Variants in CYP2J2 observed in about 807,000 individuals in gnomAD.
The protein encoded by CYP2J2 is cytochrome P450 family 2 subfamily J member 2, also known as cytochrome P450 2J2.
Under a neutral mutation model 48.8 loss-of-function variants are expected in CYP2J2, and 41 were observed. That is an observed-to-expected ratio of 0.84 (90% CI 0.66 to 1.09). The LOEUF (loss-of-function observed/expected upper bound fraction) is 1.09, where lower values mean the gene tolerates loss of function less well. Ranked by LOEUF, CYP2J2 falls within the 50% of genes least tolerant of loss-of-function variation. CYP2J2 has a pLI of 0.00. For missense variants in CYP2J2, 644 were observed against 617.3 expected, an observed-to-expected ratio of 1.04 and a Z score of -0.46; for synonymous variants, 221 against 227.1, an observed-to-expected ratio of 0.97 and a Z score of 0.24.
At chr1:59,920,493 T>C (rs1201072979) in intron 1 of CYP2J2, among the ~76,000 whole-genome samples, 1 of 152,054 alleles carries the variant, frequency 6.6e-6, no homozygotes, top group Non-Finnish European at 1.5e-5. Context: ...AATAAAATAT[T>C]TGATGGGAGG....
In CYP2J2 at chr1:59,900,978, C is replaced by T. The variant is rs1223882929; in HGVS notation, c.1317G>A (p.Met439Ile). The change falls in exon 8 of 9, where the codon ATG becomes ATA. Residue 439 changes from methionine to isoleucine, a missense_variant. Physicochemically the swap from Met to Ile is conservative, Grantham distance 10. Transcript: ENST00000371204. The part of the protein sequence containing the change: ...NGQFKKREAF[M>I]PFSIGKRACL... ...ACTACAACTTACCTATTGAGAAAGG[C>T]ATAAAGGCTTCCCTTTTCTTAAACT... is the stretch of plus-strand genomic sequence containing the variant. 2 of 1,614,078 alleles carry T rather than the reference C, an allele frequency of 1.2e-6. No homozygotes were observed. The highest frequency in any genetic ancestry group is 3.3e-5 in the Admixed American group (2 of 60,018).
chr1:59,914,787 G>A (rs900382980), intron 2 of CYP2J2, among the ~76,000 whole-genome samples: 19 of 152,202 alleles, frequency 1.2e-4, no homozygotes, highest in South Asian at 2.1e-4. Context: ...CCTGACACCC[G>A]TGAAGGGTCT....
Position 59,901,013 on chromosome 1 carries a change from C to T in CYP2J2, c.1282G>A (p.Glu428Lys). The change falls in exon 8 of 9, where the codon GAG (glutamate) becomes AAG (lysine). Residue 428 changes from glutamate (E) to lysine (K), a missense_variant. Coordinates refer to ENST00000371204, the MANE Select transcript of CYP2J2 (RefSeq NM_000775.4). ...PDTFNPDHFL[E>K]NGQFKKREAF... is the part of the protein sequence containing the mutation. ...TCCCTTTTCTTAAACTGTCCATTCT[C>T]CAGAAAATGGTCCGGATTGAATGTG... is the stretch of plus-strand genomic sequence containing the variant. 3.1e-6 allele frequency: 5 copies of T among 1,614,186 alleles called. No homozygotes were observed. The highest frequency in any genetic ancestry group is 3.4e-6 in the Non-Finnish European group (4 of 1,180,018).
In CYP2J2 at chr1:59,893,516, T is replaced by C. The variant is rs1461007750; in HGVS notation, c.*135A>G. 8 of 627,044 alleles carry C rather than the reference T, an allele frequency of 1.3e-5. No individual in the cohort carries two copies. In the South Asian group the frequency reaches 2.6e-4, roughly 20 times the overall value. The allele number at this position is 627,044 out of a possible 1,614,324, so 38.8% of individuals were successfully genotyped here. A position where few individuals can be genotyped will look rare whatever the true frequency, so the allele number is the denominator to read the frequency against. Reference sequence around the variant, plus strand: ...TAGAGCTGGGATTTGGATCTAGTTTTCTCTGAGTCAAATTCCTCTGATCTT... The same window carrying C: ...TAGAGCTGGGATTTGGATCTAGTTTCCTCTGAGTCAAATTCCTCTGATCTT... On this transcript the variant is annotated 3_prime_UTR_variant, in exon 9 of 9. Transcript: ENST00000371204.
intron 4 of CYP2J2, 54 bp downstream of exon 4, chr1:59,911,554 G>A (rs1433047998): frequency 7.6e-7 from 1 of 1,310,906 alleles, no homozygotes; most frequent in Admixed American, 2.6e-5. Context: ...CCCATCTGTG[G>A]CTGACATCGG....
At chr1:59,928,494 A>C (rs1644587185), upstream of CYP2J2, among the ~76,000 whole-genome samples, 1 of 152,214 alleles carries the variant, frequency 6.6e-6, no homozygotes, top group South Asian at 2.1e-4. Flanking sequence ...AGTTAAATCC[A>C]AGAACACTTT....
upstream of CYP2J2, among the ~76,000 whole-genome samples, chr1:59,930,333 T>G (rs1459628943): frequency 2.0e-5 from 3 of 152,096 alleles, no homozygotes; most frequent in African/African-American, 7.2e-5. Context: ...ACCATGCTGT[T>G]TTTCATAGTG....
At chr1:59,966,864 G>T in the CYP2J2 span, among the ~76,000 whole-genome samples, 1 of 152,114 alleles carries the variant, frequency 6.6e-6, no homozygotes, top group Non-Finnish European at 1.5e-5. Flanking sequence ...ACATTTGACT[G>T]AATTTGTTAC....
At chr1:59,941,765 AT>A in the CYP2J2 span, among the ~76,000 whole-genome samples, 5 of 147,340 alleles carry the variant, frequency 3.4e-5, no homozygotes, top group Non-Finnish European at 6.0e-5. Context: ...TTTAAAAAAA[AT>A]AAAAAATAGA....
At chr1:59,919,375 G>A (rs1574260038) in intron 1 of CYP2J2, among the ~76,000 whole-genome samples, 1 of 152,204 alleles carries the variant, frequency 6.6e-6, no homozygotes, top group East Asian at 1.9e-4. Context: ...TACAAATCTG[G>A]AAAGATATCC....
At position 59,893,618 on chromosome 1, in the gene CYP2J2, T is replaced by C; in HGVS notation, c.*33A>G. On this transcript the variant is annotated 3_prime_UTR_variant, in exon 9 of 9. Transcript: ENST00000371204. ...GTTTCAGAACACGTGCCATGTCTTCTTACTTTCCTTGCCCCTTTCTTTCTT... is the reference window on the plus strand; with the variant it reads ...GTTTCAGAACACGTGCCATGTCTTCCTACTTTCCTTGCCCCTTTCTTTCTT... The C allele has an allele frequency of 6.5e-7, 1 of 1,527,452 alleles. No individual in the cohort carries two copies. Among genetic ancestry groups the C allele is most frequent in the Non-Finnish European group, 8.9e-7 (1 of 1,126,836 alleles). 94.6% of individuals were successfully genotyped at this position (1,527,452 alleles called of 1,614,324 possible).
the CYP2J2 span, among the ~76,000 whole-genome samples, chr1:59,956,064 A>G: frequency 1.3e-5 from 2 of 152,172 alleles, no homozygotes; most frequent in Non-Finnish European, 2.9e-5. Flanking sequence ...TTACATGCGT[A>G]TGCCTACCTA....
At position 59,904,869 on chromosome 1, in the gene CYP2J2, A is replaced by G. The variant is rs1468821165; in HGVS notation, c.1191+2T>C. ...GATGGGCTTGAAGATCTGCTTAATT[A>G]CCTTGGGCAGGTGGTACCCAGCCAA... On this transcript the variant is annotated splice_donor_variant, in intron 7 of 8. Transcript: ENST00000371204. LOFTEE classifies it high-confidence loss of function. 2 of 1,612,438 alleles carry G rather than the reference A, an allele frequency of 1.2e-6. No individual in the cohort carries two copies. The highest frequency in any genetic ancestry group is 1.7e-6 in the Non-Finnish European group (2 of 1,179,468).
At chr1:59,911,521 C>A in intron 4 of CYP2J2, 87 bp downstream of exon 4, 1 of 992,004 alleles carries the variant, frequency 1.0e-6, no homozygotes, top group African/African-American at 1.6e-5. Context: ...CTTCAAAAAC[C>A]CAAAAAAAAC....
chr1:59,955,110 C>T, the CYP2J2 span, among the ~76,000 whole-genome samples: 4 of 150,464 alleles, frequency 2.7e-5, no homozygotes, highest in Admixed American at 2.7e-4. Flanking sequence ...TGCATTTCAG[C>T]CTGGTGATAG....
the CYP2J2 span, among the ~76,000 whole-genome samples, chr1:59,959,709 C>T: frequency 1.3e-5 from 2 of 151,968 alleles, no homozygotes; most frequent in Admixed American, 1.3e-4. Context: ...TGGACTACTA[C>T]TCAACCATAA....
chr1:59,967,437 T>C, the CYP2J2 span, among the ~76,000 whole-genome samples: 2 of 152,250 alleles, frequency 1.3e-5, no homozygotes, highest in Admixed American at 6.5e-5. Flanking sequence ...TGCATTAACA[T>C]GGCCTACCAC....
At chr1:59,896,399 C>A (rs12038104) in intron 8 of CYP2J2, among the ~76,000 whole-genome samples, 158 of 151,868 alleles carry the variant, frequency 1.0e-3, no homozygotes, top group African/African-American at 3.6e-3. Context: ...ATTGATTCAC[C>A]TATTGAAAAT....
intron 8 of CYP2J2, among the ~76,000 whole-genome samples, chr1:59,895,748 C>G (rs1574243656): frequency 6.6e-6 from 1 of 152,278 alleles, no homozygotes; most frequent in Non-Finnish European, 1.5e-5. Flanking sequence ...GCGCTGCACC[C>G]ACTAACTCGT....
Sources: allele counts gnomAD v4.1 joint callset (sites outside exome capture counted in the v4.1 genomes callset), GRCh38; gene constraint gnomAD v4.1.1; transcripts MANE v1.5; gene names NCBI Gene and HGNC (gene_info 2026-07-23, HGNC 2026-07-21).